Variants in DEF8 observed in about 807,000 individuals in gnomAD.
DEF8 encodes DEF-8.
A neutral mutation model predicts 59.1 loss-of-function variants in DEF8; 38 were observed. That is an observed-to-expected ratio of 0.64 (90% CI 0.50 to 0.84). The LOEUF is 0.84. Among genes scored for constraint, DEF8 ranks in the 40% least tolerant of loss-of-function variants. The pLI is 0.00. For missense variants in DEF8, 557 were observed against 615.2 expected (o/e 0.91, Z 1.00); for synonymous variants, 265 against 250.1 (o/e 1.06, Z -0.56).
chr16:89,961,893 CT>C (rs1443336818), intron 8 of DEF8, 29 bp downstream of exon 8: 2 of 1,596,760 alleles, frequency 1.3e-6, no homozygotes, highest in East Asian at 2.2e-5. Flanking sequence ...GGGCATCCCC[CT>C]GGGGAGGGAG....
chr16:89,961,203 G>C, intron 7 of DEF8, 108 bp downstream of exon 7: 1 of 1,389,198 alleles, frequency 7.2e-7, no homozygotes, highest in Non-Finnish European at 9.8e-7. Context: ...GAGGCCCTGG[G>C]GCAGTGCCTG....
In DEF8 at chr16:89,954,103, C is replaced by T; in HGVS notation, c.-10-140C>T. On this transcript the variant is annotated intron_variant, in intron 2 of 12. Coordinates refer to ENST00000563594, the MANE Select transcript of DEF8 (RefSeq NM_001242818.2). This position sits in a 1 kb window ranked among gnomAD's most constrained non-coding sequence, Gnocchi z 4.3. ...TTCAGGAAAAGGCTGAAGATCAAGG[C>T]TGTGGTGTGAGGACTACCCACTTTA... 1 of 851,268 alleles carries T rather than the reference C, an allele frequency of 1.2e-6. No individual in the cohort carries two copies. Among genetic ancestry groups the T allele is most frequent in the South Asian group, 1.7e-5 (1 of 58,222 alleles). The allele number at this position is 851,268 out of a possible 1,614,324, so 52.7% of individuals were successfully genotyped here. A position where few individuals can be genotyped will look rare whatever the true frequency, so the allele number is the denominator to read the frequency against.
At chr16:89,960,859 G>T in intron 6 of DEF8, 72 bp from the exon 7 acceptor site, 3 of 1,541,274 alleles carry the variant, frequency 1.9e-6, no homozygotes, top group Non-Finnish European at 2.7e-6. Flanking sequence ...GAGGGGGCAA[G>T]CCAGCTGAGG....
chr16:89,960,996 G>T lies in DEF8; in HGVS notation c.580G>T (p.Val194Phe). 1 of 1,614,168 alleles carries T rather than the reference G, an allele frequency of 6.2e-7. No individual in the cohort carries two copies. The highest frequency in any genetic ancestry group is 1.7e-5 in the Admixed American group (1 of 60,024). Residue 194 changes from valine (V) to phenylalanine (F), a missense_variant, in exon 7 of 13, where the codon GTC becomes TTC. Val to Phe is a conservative substitution (Grantham distance 50, BLOSUM62 -1). Coordinates refer to ENST00000563594, the MANE Select transcript of DEF8 (RefSeq NM_001242818.2). ...CTCCAAGCCCTGTGTGAGCTCCAAA[G>T]TCAGCCACCAAGCTGAATACGAACT... ...LISKPCVSSK[V>F]SHQAEYELNI...
rs2034577472 is a variant in DEF8, at chr16:89,965,963, G to A, written c.1356G>A (p.Ter452=). ...FQEPGPDVEA[*] is the part of the protein sequence containing the mutation. ...AGCCAGGTCCCGATGTGGAGGCCTA[G>A]CGCCGAGGAACAGTGCTGGGCACCC... is the stretch of plus-strand genomic sequence containing the variant. The change falls in exon 13 of 13, where the codon TAG becomes TAA. Residue 452 remains the stop codon, a stop_retained_variant. Transcript: ENST00000563594. The A allele has an allele frequency of 1.9e-6, 3 of 1,611,134 alleles. No individual in the cohort carries two copies. The South Asian group carries it at 3.3e-5, about 18-fold the overall frequency.
intron 7 of DEF8, among the ~76,000 whole-genome samples, chr16:89,961,475 T>G (rs2034018984): frequency 6.6e-6 from 1 of 152,188 alleles, no homozygotes; most frequent in African/African-American, 2.4e-5. Context: ...GCGCGTCAGC[T>G]CTTCTTTCTA....
chr16:89,964,654 A>G lies in DEF8; in HGVS notation c.1253+79A>G, dbSNP rs569457152. 1.1e-5 allele frequency: 12 copies of G among 1,092,718 alleles called. No individual in the cohort carries two copies. In the South Asian group the frequency reaches 1.5e-4, roughly 14 times the overall value. The allele number at this position is 1,092,718 out of a possible 1,614,324, so 67.7% of individuals were successfully genotyped here. ...GGGGAGCTGCCCCTTGGCCTCCGGT[A>G]GGATGATGCCGTGGGAGCTGGCACT... On this transcript the variant is annotated intron_variant, in intron 12 of 12. Transcript: ENST00000563594.
At chr16:89,964,072 C>G (rs1328877932) in intron 10 of DEF8, 98 bp from the exon 11 acceptor site, 2 of 1,515,516 alleles carry the variant, frequency 1.3e-6, no homozygotes, top group South Asian at 1.1e-5. Context: ...GCTCGTTTCT[C>G]TGTGAGCACC....
chr16:89,962,580 C>T (rs1226169154), intron 9 of DEF8, among the ~76,000 whole-genome samples: 5 of 151,986 alleles, frequency 3.3e-5, no homozygotes, highest in African/African-American at 7.3e-5. Flanking sequence ...CACTTGAACC[C>T]GGGAGGCTGA....
chr16:89,950,128 G>A, intron 2 of DEF8: 1 of 988,004 alleles, frequency 1.0e-6, no homozygotes, highest in Non-Finnish European at 1.2e-6. Context: ...GTCCCTGCCA[G>A]CGTGCCTTCC....
intron 7 of DEF8, 54 bp downstream of exon 7, chr16:89,961,149 C>T (rs1326797433): frequency 8.2e-6 from 13 of 1,581,156 alleles, no homozygotes; most frequent in Middle Eastern, 3.4e-4. Context: ...GGCGGGGAGC[C>T]GGGTGCACAG....
chr16:89,955,661 C>T (rs1432810324), intron 4 of DEF8, among the ~76,000 whole-genome samples: 1 of 152,158 alleles, frequency 6.6e-6, no homozygotes, highest in African/African-American at 2.4e-5. Context: ...AGGGGAAGCC[C>T]CTTGTCTGCC....
At chr16:89,956,613 C>G (rs1173396714) in intron 4 of DEF8, 1 of 151,980 alleles carries the variant, frequency 6.6e-6, no homozygotes, top group African/African-American at 2.4e-5. Context: ...CCAAGCGATC[C>G]TCCCACCTCA....
At position 89,951,260 on chromosome 16, in the gene DEF8, C is replaced by CT. The variant is rs1050750388; in HGVS notation, c.-11+1759dup. Among the ~76,000 whole-genome samples, 91 of 145,912 alleles carry CT rather than the reference C, an allele frequency of 6.2e-4. 1 individual carries two copies. Among genetic ancestry groups the CT allele is most frequent in the Admixed American group, 1.1e-3 (16 of 14,552 alleles). On this transcript the variant is annotated intron_variant, in intron 2 of 12. Coordinates refer to ENST00000563594, the MANE Select transcript of DEF8 (RefSeq NM_001242818.2). ...TTGGGATCATCAGTCAGAATCTTTT[C>CT]TTTTTTTTTTTTCTGAGATGGAGTC...
chr16:89,963,380 C>G lies in DEF8; in HGVS notation c.939C>G (p.Ile313Met). 1 of 1,613,760 alleles carries G rather than the reference C, an allele frequency of 6.2e-7. No homozygotes were observed. The highest frequency in any genetic ancestry group is 8.5e-7 in the Non-Finnish European group (1 of 1,179,850). ...LVEIRKLRQD[I>M]LLMKPYFITC... ...GTTTGCAGAAGCTGCGCCAGGACAT[C>G]CTGCTCATGAAGCCGTACTTCATCA... Residue 313 changes from isoleucine (I) to methionine (M), a missense_variant, in exon 10 of 13, where the codon ATC (isoleucine) becomes ATG (methionine). Ile to Met is a conservative substitution (Grantham distance 10). Coordinates refer to ENST00000563594, the MANE Select transcript of DEF8 (RefSeq NM_001242818.2).
chr16:89,966,911 C>T lies in DEF8; in HGVS notation c.*948C>T, dbSNP rs1255242489. Reference sequence around the variant, plus strand: ...TAGCTCAGAAATGACCAGCCAATGGCCTTTTGTTTGGGGGCCTGAGGTCAA... The same window carrying T: ...TAGCTCAGAAATGACCAGCCAATGGTCTTTTGTTTGGGGGCCTGAGGTCAA... On this transcript the variant is annotated 3_prime_UTR_variant, in exon 13 of 13. Transcript: ENST00000563594. 3 of 176,622 alleles carry T rather than the reference C, an allele frequency of 1.7e-5. No homozygotes were observed. The highest frequency in any genetic ancestry group is 2.9e-4 in the East Asian group (2 of 6,868). The allele number at this position is 176,622 out of a possible 1,614,324, so 10.9% of individuals were successfully genotyped here. A position where few individuals can be genotyped will look rare whatever the true frequency, so the allele number is the denominator to read the frequency against.
intron 2 of DEF8, among the ~76,000 whole-genome samples, chr16:89,952,140 G>A (rs2032265425): frequency 6.6e-6 from 1 of 152,198 alleles, no homozygotes; most frequent in Non-Finnish European, 1.5e-5. Context: ...GCCTCCCAAT[G>A]TGCTGGGATT....
At chr16:89,959,349 T>G (rs2033712474) in intron 6 of DEF8, 194 bp downstream of exon 6, 1 of 1,438,810 alleles carries the variant, frequency 7.0e-7, no homozygotes, top group Admixed American at 2.8e-5. Context: ...GGATGAGAAA[T>G]TAAACTAGTG....
intron 12 of DEF8, among the ~76,000 whole-genome samples, chr16:89,965,056 C>T (rs1045802085): frequency 3.3e-5 from 5 of 152,240 alleles, no homozygotes; most frequent in South Asian, 2.1e-4. Flanking sequence ...TATGCTCTCG[C>T]GTTTTTTTTC....
Sources: gnomAD v4.1 joint callset for allele counts (sites outside exome capture counted in the v4.1 genomes callset) on GRCh38, gnomAD v4.1.1 for gene constraint, Gnocchi (gnomAD v3.1) non-coding constraint, MANE v1.5 for transcripts, NCBI Gene and HGNC (gene_info 2026-07-23, HGNC 2026-07-21) for gene names.